AK5: variants seen among roughly 807,000 people sequenced by gnomAD.
AK5 encodes the protein adenylate kinase 5.
In AK5, 27 loss-of-function variants were observed where a neutral mutation model predicts 69.5. That is an observed-to-expected ratio of 0.39 (90% CI 0.29 to 0.54). AK5 has a LOEUF of 0.54. Among genes scored for constraint, AK5 ranks in the 20% least tolerant of loss-of-function variants. The probability of loss-of-function intolerance (pLI) is 0.71; values close to 1 mark genes in which losing one functional copy is unlikely to be tolerated. For synonymous variants in AK5, 260 were observed against 244.4 expected (o/e 1.06, Z -0.60); for missense variants, 531 against 700.4 (o/e 0.76, Z 2.73).
chr1:77,499,870 A>ATTT (rs1178365313), intron 10 of AK5, among the ~76,000 whole-genome samples: 2 of 50,446 alleles, frequency 4.0e-5, no homozygotes, highest in Non-Finnish European at 6.6e-5. Flanking sequence ...CCCTTTTTCC[A>ATTT]TTTTTTTTTT....
chr1:77,475,464 AT>A (rs1319145479), intron 8 of AK5, among the ~76,000 whole-genome samples: 4 of 3,058 alleles, frequency 1.3e-3, no homozygotes, highest in Admixed American at 6.9e-3. Flanking sequence ...ACAAATATAT[AT>A]TATATATGTA....
At chr1:77,545,434 A>G (rs1389023465) in intron 13 of AK5, among the ~76,000 whole-genome samples, 4 of 152,190 alleles carry the variant, frequency 2.6e-5, no homozygotes, top group Non-Finnish European at 4.4e-5. Context: ...TTTAATAGCT[A>G]TATAATATGC....
At chr1:77,446,846 G>T (rs958745599) in intron 8 of AK5, among the ~76,000 whole-genome samples, 1 of 152,202 alleles carries the variant, frequency 6.6e-6, no homozygotes, top group Admixed American at 6.5e-5. Flanking sequence ...GTAACACAGT[G>T]CTGATTATAA....
intron 12 of AK5, among the ~76,000 whole-genome samples, chr1:77,528,121 G>A (rs1469609396): frequency 6.6e-6 from 1 of 152,162 alleles, no homozygotes; most frequent in East Asian, 1.9e-4. Context: ...CACAGAATGA[G>A]CTACTGTTGA....
rs972174271 is a variant in AK5 at position 77,343,410 on chromosome 1, A to G, written c.891+2842A>G. On this transcript the variant is annotated intron_variant, in intron 6 of 13. Transcript: ENST00000354567. ...ATTTAATAATTTCATGATGCCCTACAAGGTATAGCCTCTAGGACTTGATCT... is the reference window on the plus strand; with the variant it reads ...ATTTAATAATTTCATGATGCCCTACGAGGTATAGCCTCTAGGACTTGATCT... 3.3e-5 allele frequency among the ~76,000 whole-genome samples: 5 copies of G among 152,188 alleles called. No individual in the cohort carries two copies. In the East Asian group the frequency reaches 9.6e-4, roughly 29 times the overall value.
chr1:77,373,420 A>G (rs1647158331), intron 6 of AK5, among the ~76,000 whole-genome samples: 1 of 152,220 alleles, frequency 6.6e-6, no homozygotes, highest in South Asian at 2.1e-4. Flanking sequence ...GTAGTGAGTG[A>G]ATATGTGAAT....
In AK5 at chr1:77,346,695, A is replaced by G. The variant is rs116471991; in HGVS notation, c.891+6127A>G. ...GTATGTTTTGTAGAGACAGGGTCTCACTTTGTCCCTCAGGCTGGTCTCGGA... is the reference window on the plus strand; with the variant it reads ...GTATGTTTTGTAGAGACAGGGTCTCGCTTTGTCCCTCAGGCTGGTCTCGGA... On this transcript the variant is annotated intron_variant, in intron 6 of 13. Coordinates refer to ENST00000354567, the MANE Select transcript of AK5 (RefSeq NM_174858.3). Among the ~76,000 whole-genome samples the G allele has an allele frequency of 9.0e-3, 1,363 of 152,162 alleles. 24 individuals are homozygous for G. The highest frequency in any genetic ancestry group is 0.031 in the African/African-American group (1,283 of 41,512).
intron 8 of AK5, among the ~76,000 whole-genome samples, chr1:77,473,282 A>G (rs1472072051): frequency 1.3e-5 from 2 of 151,368 alleles, no homozygotes; most frequent in African/African-American, 4.9e-5. Context: ...CAGTGGTACG[A>G]TCACAACTCA....
chr1:77,474,198 G>A (rs1225721835), intron 8 of AK5, among the ~76,000 whole-genome samples: 1 of 152,172 alleles, frequency 6.6e-6, no homozygotes, highest in African/African-American at 2.4e-5. Context: ...CAACTGCTCA[G>A]CAGTCTCTCC....
At chr1:77,402,342 C>A (rs901966899) in intron 6 of AK5, among the ~76,000 whole-genome samples, 1 of 151,920 alleles carries the variant, frequency 6.6e-6, no homozygotes, top group Non-Finnish European at 1.5e-5. Flanking sequence ...ATGTGCACAA[C>A]GTGCAGGTTT....
chr1:77,537,833 A>G lies in AK5; in HGVS notation c.1620+1795A>G, dbSNP rs546938810. ...AACTGAGTGTCAAATATGTGGCATG[A>G]GAGACATAATCCCCTACTTCCACAT... On this transcript the variant is annotated intron_variant, in intron 13 of 13. Coordinates refer to ENST00000354567, the MANE Select transcript of AK5 (RefSeq NM_174858.3). Among the ~76,000 whole-genome samples, 44 of 152,334 alleles carry G rather than the reference A, an allele frequency of 2.9e-4. No homozygotes were observed. In the Middle Eastern group the frequency reaches 0.01, roughly 35 times the overall value.
In AK5 at chr1:77,535,962, C is replaced by T. The variant is rs771706086; in HGVS notation, c.1544C>T (p.Ala515Val). The change falls in exon 13 of 14, where the codon GCC becomes GTC. Residue 515 changes from alanine (A) to valine (V), a missense_variant. Transcript: ENST00000354567. ...GTGGACGACACCACCAAGACCATCG[C>T]CAAGCGCCTAGAAGCCTACTACCGA... ...LPVDDTTKTI[A>V]KRLEAYYRAS... The T allele has an allele frequency of 3.1e-6, 5 of 1,613,966 alleles. No homozygotes were observed. The African/African-American group carries it at 6.7e-5, about 22-fold the overall frequency.
chr1:77,478,746 G>A (rs1018284884), intron 8 of AK5, among the ~76,000 whole-genome samples: 2 of 152,138 alleles, frequency 1.3e-5, no homozygotes, highest in Admixed American at 6.5e-5. Flanking sequence ...GTGAGACTAA[G>A]TTGTTCTATT....
chr1:77,305,445 C>T (rs1242173313), intron 5 of AK5, among the ~76,000 whole-genome samples: 1 of 152,058 alleles, frequency 6.6e-6, no homozygotes, highest in Non-Finnish European at 1.5e-5. Context: ...CCAGTGTTTT[C>T]TTTTAGTAGT....
At chr1:77,312,265 C>T (rs943271930) in intron 5 of AK5, among the ~76,000 whole-genome samples, 2 of 152,096 alleles carry the variant, frequency 1.3e-5, no homozygotes, top group Non-Finnish European at 2.9e-5. Context: ...GTTGTATAGT[C>T]GCTGTGCCCT....
chr1:77,502,005 A>G (rs1016786364), intron 10 of AK5, among the ~76,000 whole-genome samples: 1 of 152,232 alleles, frequency 6.6e-6, no homozygotes, highest in Admixed American at 6.5e-5. Flanking sequence ...ACAGATAACT[A>G]TCTAGTCTTG....
intron 6 of AK5, among the ~76,000 whole-genome samples, chr1:77,403,773 A>G (rs1454608411): frequency 6.6e-5 from 10 of 152,172 alleles, no homozygotes; most frequent in Admixed American, 2.6e-4. Flanking sequence ...TTGACTTGGC[A>G]ATGCGGGCTC....
chr1:77,485,759 A>G (rs2100727296), intron 9 of AK5, among the ~76,000 whole-genome samples: 4 of 152,300 alleles, frequency 2.6e-5, no homozygotes, highest in Middle Eastern at 3.4e-3. Context: ...AATGACGTAA[A>G]TTTTTGCCAC....
At chr1:77,378,406 C>A (rs1200258938) in intron 6 of AK5, among the ~76,000 whole-genome samples, 1 of 152,154 alleles carries the variant, frequency 6.6e-6, no homozygotes, top group Admixed American at 6.5e-5. Flanking sequence ...ACTGCAACCT[C>A]CGCCTCTCGG....
Sources: allele counts gnomAD v4.1 joint callset (sites outside exome capture counted in the v4.1 genomes callset), GRCh38; gene constraint gnomAD v4.1.1; transcripts MANE v1.5; gene names NCBI Gene and HGNC (gene_info 2026-07-23, HGNC 2026-07-21).